Variants in PPP2R2B observed in about 807,000 individuals in gnomAD.
The protein encoded by PPP2R2B is serine/threonine-protein phosphatase 2A 55 kDa regulatory subunit B beta isoform.
In PPP2R2B, 5 loss-of-function variants were observed where a neutral mutation model predicts 46.0. The ratio of observed to expected loss-of-function variants is 0.11; its 90% CI spans 0.06 to 0.23. The LOEUF is 0.23. PPP2R2B is among the 10% of genes least tolerant of loss of function. PPP2R2B has a pLI of 1.00. For synonymous variants in PPP2R2B, 215 were observed against 206.7 expected (o/e 1.04, Z -0.34); for missense variants, 367 against 575.0 (o/e 0.64, Z 3.70).
At chr5:146,809,890 T>G (rs1350914238) in intron 2 of PPP2R2B, among the ~76,000 whole-genome samples, 2 of 152,126 alleles carry the variant, frequency 1.3e-5, no homozygotes, top group Non-Finnish European at 2.9e-5. Context: ...TGGCAGTGGC[T>G]TAGACTCACA....
chr5:146,799,017 C>T (rs144409450), intron 2 of PPP2R2B, among the ~76,000 whole-genome samples: 21 of 152,194 alleles, frequency 1.4e-4, no homozygotes, highest in East Asian at 3.9e-4. Flanking sequence ...CTGAATACTC[C>T]GAGGTGACTT....
intron 1 of PPP2R2B, among the ~76,000 whole-genome samples, chr5:147,038,459 T>C (rs1365703721): frequency 6.6e-6 from 1 of 152,150 alleles, no homozygotes; most frequent in African/African-American, 2.4e-5. Flanking sequence ...TAAATTACAT[T>C]GATAATTTTT....
At chr5:146,734,518 A>G (rs982076996) in intron 2 of PPP2R2B, among the ~76,000 whole-genome samples, 2 of 152,166 alleles carry the variant, frequency 1.3e-5, no homozygotes, top group East Asian at 3.9e-4. Flanking sequence ...CAAGAACTAG[A>G]ATTCACTTCC....
At chr5:146,987,518 T>C (rs1753487259) in intron 1 of PPP2R2B, among the ~76,000 whole-genome samples, 1 of 152,116 alleles carries the variant, frequency 6.6e-6, no homozygotes, top group Non-Finnish European at 1.5e-5. Context: ...ATTTTTTGTT[T>C]CTTTTATTGT....
At chr5:146,649,743 G>A (rs1279703826) in intron 6 of PPP2R2B, among the ~76,000 whole-genome samples, 1 of 152,068 alleles carries the variant, frequency 6.6e-6, no homozygotes, top group Non-Finnish European at 1.5e-5. Flanking sequence ...AGCCACTGCG[G>A]CCAGCCGACT....
At chr5:146,758,888 GT>G (rs1199262754) in intron 2 of PPP2R2B, among the ~76,000 whole-genome samples, 1 of 151,932 alleles carries the variant, frequency 6.6e-6, no homozygotes, top group Admixed American at 6.6e-5. Context: ...AGACCCCTAG[GT>G]TTTTTTACTT....
intron 1 of PPP2R2B, among the ~76,000 whole-genome samples, chr5:147,053,893 T>A (rs1174116306): frequency 1.3e-5 from 2 of 152,322 alleles, no homozygotes; most frequent in East Asian, 3.9e-4. Context: ...ATAACCCATG[T>A]CTTTTCCACT....
At chr5:146,652,155 C>T (rs1485979087) in intron 5 of PPP2R2B, among the ~76,000 whole-genome samples, 2 of 152,122 alleles carry the variant, frequency 1.3e-5, no homozygotes, top group Non-Finnish European at 1.5e-5. Flanking sequence ...GAATGGGAGA[C>T]CAGGGTTCTG....
chr5:146,679,334 T>TA (rs1777973201), intron 5 of PPP2R2B, among the ~76,000 whole-genome samples: 1 of 36,378 alleles, frequency 2.7e-5, no homozygotes, highest in African/African-American at 2.7e-4. Flanking sequence ...GAAAACTGGC[T>TA]AGCCATATGC....
At chr5:146,937,127 C>T (rs1047506147) in intron 1 of PPP2R2B, among the ~76,000 whole-genome samples, 3 of 152,068 alleles carry the variant, frequency 2.0e-5, no homozygotes, top group Admixed American at 1.3e-4. Flanking sequence ...CATGGTGAAA[C>T]CCCGTCTCTA....
rs562592428 is a variant in PPP2R2B, at chr5:147,038,152, G to A, written c.79+17513C>T. Among the ~76,000 whole-genome samples the A allele has an allele frequency of 7.2e-5, 11 of 152,230 alleles. No individual in the cohort carries two copies. In the South Asian group the frequency reaches 1.9e-3, roughly 26 times the overall value. On this transcript the variant is annotated intron_variant, in intron 1 of 8. Transcript: ENST00000336640. ...ATAGAGACATAAATTCAGTAAACAA[G>A]AAGTTATTGAGCTCTATTATTTGAA...
At chr5:146,929,317 C>G (rs761512257) in intron 1 of PPP2R2B, among the ~76,000 whole-genome samples, 6 of 152,146 alleles carry the variant, frequency 3.9e-5, no homozygotes, top group African/African-American at 1.4e-4. Context: ...AGTGACATAT[C>G]ATTTCACAGT....
At position 146,588,956 on chromosome 5, in the gene PPP2R2B, G is replaced by GAAAC. The variant is rs1255044190; in HGVS notation, c.*987_*990dup. On this transcript the variant is annotated 3_prime_UTR_variant, in exon 10 of 10. Coordinates refer to ENST00000394411, the MANE Select transcript of PPP2R2B (RefSeq NM_181675.4). Reference sequence around the variant, plus strand: ...GAGGAGGGGAGGGTGCTGCTTAGGAGAAACACCCAAAAAGAACAGACCAGC... The same window carrying GAAAC: ...GAGGAGGGGAGGGTGCTGCTTAGGAGAAACAAACACCCAAAAAGAACAGACCAGC... The GAAAC allele has an allele frequency of 1.3e-5, 2 of 152,212 alleles. No homozygotes were observed. The highest frequency in any genetic ancestry group is 4.8e-5 in the African/African-American group (2 of 41,424). The allele number at this position is 152,212 out of a possible 1,614,324, so 9.4% of individuals were successfully genotyped here. A position where few individuals can be genotyped will look rare whatever the true frequency, so the allele number is the denominator to read the frequency against.
rs58843058 is a variant in PPP2R2B at position 146,870,385 on chromosome 5, A to T, written c.70+7617T>A. Among the ~76,000 whole-genome samples the T allele has an allele frequency of 1.1e-3, 172 of 152,316 alleles. 1 individual carries two copies. The East Asian group carries it at 0.019, about 17-fold the overall frequency. ...CTGGTGCCCTTGCAAGAAGAAAAAA[A>T]AATGCCAGAGATTGCGCTCTCTCTT... On this transcript the variant is annotated intron_variant, in intron 2 of 9. Coordinates refer to ENST00000394411, the MANE Select transcript of PPP2R2B (RefSeq NM_181675.4).
chr5:146,776,302 G>A (rs1374239670), intron 2 of PPP2R2B, among the ~76,000 whole-genome samples: 4 of 152,028 alleles, frequency 2.6e-5, no homozygotes, highest in African/African-American at 9.7e-5. Context: ...GATAACAACG[G>A]TTTTATATAA....
chr5:147,077,272 G>GTA (rs200121786), intron 2 of PPP2R2B, among the ~76,000 whole-genome samples: 1,959 of 108,922 alleles, frequency 0.018, 45 homozygotes, highest in African/African-American at 0.06. Context: ...ATGTATGTGT[G>GTA]TATACACACA....
intron 2 of PPP2R2B, among the ~76,000 whole-genome samples, chr5:146,789,946 C>T (rs912448646): frequency 1.3e-5 from 2 of 152,092 alleles, no homozygotes; most frequent in African/African-American, 4.8e-5. Context: ...ACTAGGTCTG[C>T]AAGGATAATG....
intron 2 of PPP2R2B, among the ~76,000 whole-genome samples, chr5:146,714,467 C>G (rs1260112922): frequency 6.6e-6 from 1 of 151,978 alleles, no homozygotes; most frequent in Non-Finnish European, 1.5e-5. Flanking sequence ...ATAGAAATAA[C>G]AGCATGTTTA....
chr5:147,066,367 T>G (rs1477887997), intron 2 of PPP2R2B, among the ~76,000 whole-genome samples: 9 of 152,178 alleles, frequency 5.9e-5, no homozygotes, highest in Non-Finnish European at 1.0e-4. Flanking sequence ...AATTTAATCC[T>G]CACAAGAGCC....
Sources: allele counts gnomAD v4.1 joint callset (sites outside exome capture counted in the v4.1 genomes callset), GRCh38; gene constraint gnomAD v4.1.1; transcripts MANE v1.5; gene names NCBI Gene and HGNC (gene_info 2026-07-23, HGNC 2026-07-21).